DIXDC1: variants seen among roughly 807,000 people sequenced by gnomAD.
DIXDC1 encodes dixin.
Under a neutral mutation model 103.1 loss-of-function variants are expected in DIXDC1, and 64 were observed. The ratio of observed to expected loss-of-function variants is 0.62; its 90% CI spans 0.51 to 0.76. DIXDC1 has a LOEUF of 0.76. Among genes scored for constraint, DIXDC1 ranks in the 30% least tolerant of loss-of-function variants. The pLI, the probability that DIXDC1 is intolerant of heterozygous loss-of-function variation, is 0.00. For missense variants in DIXDC1, 759 were observed against 834.2 expected (o/e 0.91, Z 1.11); for synonymous variants, 266 against 298.5 (o/e 0.89, Z 1.12).
At chr11:111,996,045 A>G (rs147772231) in intron 16 of DIXDC1, 35 bp from the exon 17 acceptor site, 18 of 1,606,550 alleles carry the variant, frequency 1.1e-5, no homozygotes. Context: ...TCTCTCATTG[A>G]TCATAACTCT....
chr11:111,955,035 C>G (rs1555170442), intron 1 of DIXDC1, among the ~76,000 whole-genome samples: 1 of 151,808 alleles, frequency 6.6e-6, no homozygotes, highest in Admixed American at 6.6e-5. Context: ...CTGAGAGGAC[C>G]TAGAATATTA....
chr11:111,969,206 T>C (rs1362198680), intron 3 of DIXDC1, among the ~76,000 whole-genome samples: 1 of 151,970 alleles, frequency 6.6e-6, no homozygotes, highest in Non-Finnish European at 1.5e-5. Flanking sequence ...GGCGGGAGGA[T>C]CACTTGAGCC....
Position 111,977,713 on chromosome 11 carries a change from C to A in DIXDC1, c.656+2730C>A. ...CTGAATTTGGGAGCGATGTGACTCT[C>A]AGCCTCCCACTTCACCCGGGGACGC... On this transcript the variant is annotated intron_variant, in intron 5 of 19. Transcript: ENST00000440460. This position sits in a 1 kb window ranked among gnomAD's most constrained non-coding sequence, Gnocchi z 6.1. 2 of 1,549,064 alleles carry A rather than the reference C, an allele frequency of 1.3e-6. No individual in the cohort carries two copies. The highest frequency in any genetic ancestry group is 1.7e-6 in the Non-Finnish European group (2 of 1,145,928).
chr11:111,960,835 G>A (rs923214754), intron 1 of DIXDC1, among the ~76,000 whole-genome samples: 1 of 152,124 alleles, frequency 6.6e-6, no homozygotes, highest in Non-Finnish European at 1.5e-5. Context: ...GAACCCCTTG[G>A]TTAAGGGAAC....
In DIXDC1 at chr11:111,931,335, T is replaced by A. The variant is rs145064138; in HGVS notation, c.57+1425T>A. ...GCCTGGGCAATAGAGTGAGACACTG[T>A]CTCAAAAAAAATTTTTTTAAAGACT... is the stretch of plus-strand genomic sequence containing the variant. On this transcript the variant is annotated intron_variant, in intron 2 of 5. Coordinates refer to the DIXDC1 transcript ENST00000529225. Among the ~76,000 whole-genome samples the A allele has an allele frequency of 1.6e-3, 248 of 151,758 alleles. 2 individuals are homozygous for A. The highest frequency in any genetic ancestry group is 5.6e-3 in the African/African-American group (230 of 41,426).
chr11:111,960,669 T>C, intron 1 of DIXDC1, among the ~76,000 whole-genome samples: 1 of 152,126 alleles, frequency 6.6e-6, no homozygotes, highest in East Asian at 1.9e-4. Flanking sequence ...TAGTTAACCT[T>C]GGCTCACATC....
At chr11:111,929,880 C>G in exon 2 of DIXDC1, 1 of 1,535,952 alleles carries the variant, frequency 6.5e-7, no homozygotes, top group Non-Finnish European at 8.7e-7. Context: ...TTATGAGATT[C>G]AATAACTCCT....
At chr11:112,000,594 G>T (rs1164892010) in intron 17 of DIXDC1, among the ~76,000 whole-genome samples, 1 of 151,948 alleles carries the variant, frequency 6.6e-6, no homozygotes, top group Non-Finnish European at 1.5e-5. Flanking sequence ...CTACTCGGGG[G>T]GCTGAGGCAG....
At chr11:111,996,057 G>A (rs782330926) in intron 16 of DIXDC1, 23 bp from the exon 17 acceptor site, 22 of 1,611,676 alleles carry the variant, frequency 1.4e-5, no homozygotes, top group African/African-American at 8.0e-5. Context: ...CATAACTCTT[G>A]TGATTTTTGT....
In DIXDC1 at chr11:111,977,432, C is replaced by T. The variant is rs1860146849; in HGVS notation, c.656+2449C>T. The T allele has an allele frequency of 7.4e-6, 9 of 1,212,186 alleles. No homozygotes were observed. The highest frequency in any genetic ancestry group is 5.9e-5 in the South Asian group (3 of 51,104). 75.1% of individuals were successfully genotyped at this position (1,212,186 alleles called of 1,614,324 possible). A position where few individuals can be genotyped will look rare whatever the true frequency, so the allele number is the denominator to read the frequency against. ...CCCCGCCAGGGGGGATGCCCGGCAC[C>T]GTGCGTCCGCGGAGGCCAAGATGCA... On this transcript the variant is annotated intron_variant, in intron 5 of 19. Transcript: ENST00000440460. This position sits in a 1 kb window ranked among gnomAD's most constrained non-coding sequence, Gnocchi z 6.1.
intron 5 of DIXDC1, chr11:111,975,192 A>G: frequency 1.5e-6 from 2 of 1,361,688 alleles, no homozygotes; most frequent in Admixed American, 2.9e-5. Context: ...ATTTCCCACA[A>G]ATGGAATCTG....
chr11:111,934,009 G>A (rs1392061172), upstream of DIXDC1, among the ~76,000 whole-genome samples: 1 of 152,144 alleles, frequency 6.6e-6, no homozygotes, highest in Non-Finnish European at 1.5e-5. Context: ...ATTCCTTCAA[G>A]TAAAAATAGA....
chr11:111,999,567 A>G (rs969646203), intron 17 of DIXDC1, among the ~76,000 whole-genome samples: 14 of 152,172 alleles, frequency 9.2e-5, no homozygotes, highest in African/African-American at 3.4e-4. Context: ...GCAACAAAAG[A>G]AAAAAGATAA....
At chr11:112,008,083 T>G (rs1555176804) in intron 17 of DIXDC1, among the ~76,000 whole-genome samples, 1 of 136,606 alleles carries the variant, frequency 7.3e-6, no homozygotes, top group African/African-American at 2.8e-5. Flanking sequence ...GAGACACACA[T>G]AGGCTCAAAT....
chr11:111,937,249 C>T, upstream of DIXDC1: 3 of 1,253,520 alleles, frequency 2.4e-6, no homozygotes, highest in Non-Finnish European at 3.0e-6. Context: ...CGCCGCTCAA[C>T]CTAGTGCGCG....
chr11:111,935,679 G>A (rs1160344337), upstream of DIXDC1, among the ~76,000 whole-genome samples: 1 of 152,134 alleles, frequency 6.6e-6, no homozygotes, highest in Admixed American at 6.5e-5. Context: ...GTGACTCTCC[G>A]GGGGTGTTAC....
intron 19 of DIXDC1, 64 bp from the exon 20 acceptor site, chr11:112,018,892 C>A: frequency 2.1e-6 from 3 of 1,401,378 alleles, no homozygotes; most frequent in Non-Finnish European, 3.0e-6. Flanking sequence ...TTTTTATTAG[C>A]AGCAATTGTT....
chr11:111,989,807 G>A (rs1448420315), intron 10 of DIXDC1, among the ~76,000 whole-genome samples: 1 of 116,480 alleles, frequency 8.6e-6, no homozygotes, highest in South Asian at 2.8e-4. Context: ...TTTTTTTTTT[G>A]AAACGGAGTC....
chr11:111,993,283 C>T (rs1860766635), intron 12 of DIXDC1, among the ~76,000 whole-genome samples: 1 of 152,134 alleles, frequency 6.6e-6, no homozygotes, highest in Non-Finnish European at 1.5e-5. Context: ...TAGTGGTCCT[C>T]CTACAAATGC....
Sources: gnomAD v4.1 joint callset for allele counts (sites outside exome capture counted in the v4.1 genomes callset) on GRCh38, gnomAD v4.1.1 for gene constraint, Gnocchi (gnomAD v3.1) non-coding constraint, MANE v1.5 for transcripts, NCBI Gene and HGNC (gene_info 2026-07-23, HGNC 2026-07-21) for gene names.